The following TMC1 variants were observed in gnomAD, a reference collection of about 807,000 sequenced individuals.
The protein encoded by TMC1 is transmembrane channel like 1.
In TMC1, 84 loss-of-function variants were observed where a neutral mutation model predicts 105.8. That is an observed-to-expected ratio of 0.79 (90% CI 0.67 to 0.95). TMC1 has a LOEUF of 0.95. Among genes scored for constraint, TMC1 ranks in the 40% least tolerant of loss-of-function variants. The pLI is 0.00. For missense variants in TMC1, 817 were observed against 914.1 expected (o/e 0.89, Z 1.37); for synonymous variants, 315 against 311.5 (o/e 1.01, Z -0.12).
At chr9:72,539,048 C>T (rs1015601867) in intron 1 of TMC1, among the ~76,000 whole-genome samples, 2 of 151,630 alleles carry the variant, frequency 1.3e-5, no homozygotes, top group African/African-American at 4.9e-5. Flanking sequence ...TTTTGATTTC[C>T]AGCAGCCACG....
At chr9:72,615,509 A>G (rs1359373413) in intron 2 of TMC1, among the ~76,000 whole-genome samples, 2 of 152,224 alleles carry the variant, frequency 1.3e-5, no homozygotes, top group South Asian at 2.1e-4. Context: ...TCTATAGTAC[A>G]AATAAGCTGC....
intron 15 of TMC1, 134 bp from the exon 16 acceptor site, chr9:72,791,752 C>G (rs569318773): frequency 1.3e-6 from 1 of 766,644 alleles, no homozygotes; most frequent in Non-Finnish European, 2.3e-6. Context: ...AAATTCTAAA[C>G]GTGCATAAAA....
chr9:72,690,068 T>C (rs1826439582), intron 6 of TMC1, among the ~76,000 whole-genome samples: 1 of 152,044 alleles, frequency 6.6e-6, no homozygotes, highest in African/African-American at 2.4e-5. Context: ...TTATTGATTT[T>C]TATTATAGTG....
At chr9:72,673,507 C>G (rs7037300) in intron 5 of TMC1, among the ~76,000 whole-genome samples, 23,260 of 151,940 alleles carry the variant, frequency 0.15, 1,949 homozygotes, top group African/African-American at 0.2. Flanking sequence ...TTTTTTCATA[C>G]TGTATATGTA....
intron 2 of TMC1, among the ~76,000 whole-genome samples, chr9:72,598,180 A>AAAG (rs1164191157): frequency 6.6e-6 from 1 of 152,148 alleles, no homozygotes; most frequent in Non-Finnish European, 1.5e-5. Flanking sequence ...GAGTCCCCCC[A>AAAG]CATACCCTCA....
rs1268665939 is a variant in TMC1, at chr9:72,838,225, T to C, written c.*2252T>C. ...ATGTAAGAAATGGATTATCTGTTGA[T>C]AGGCTGAGTTTATTGTTTAATTAGA... On this transcript the variant is annotated 3_prime_UTR_variant, in exon 24 of 24. Transcript: ENST00000297784. 1 of 152,254 alleles carries C rather than the reference T, an allele frequency of 6.6e-6. No individual in the cohort carries two copies. Among genetic ancestry groups the C allele is most frequent in the Non-Finnish European group, 1.5e-5 (1 of 68,038 alleles). The allele number at this position is 152,254 out of a possible 1,614,324, so 9.4% of individuals were successfully genotyped here.
intron 3 of TMC1, among the ~76,000 whole-genome samples, chr9:72,623,854 T>C (rs1164279764): frequency 6.6e-6 from 1 of 152,136 alleles, no homozygotes; most frequent in Non-Finnish European, 1.5e-5. Context: ...ATGTGCACCA[T>C]GGTGAACTTC....
intron 13 of TMC1, among the ~76,000 whole-genome samples, chr9:72,780,864 T>C (rs1398412717): frequency 6.6e-6 from 1 of 152,112 alleles, no homozygotes; most frequent in Non-Finnish European, 1.5e-5. Context: ...TACACAATAA[T>C]AGCAAGAGAG....
At position 72,619,651 on chromosome 9, in the gene TMC1, A is replaced by G. The variant is rs1461101431; in HGVS notation, c.-196+3174A>G. Among the ~76,000 whole-genome samples the G allele has an allele frequency of 5.3e-5, 8 of 151,802 alleles. No individual in the cohort carries two copies. In the South Asian group the frequency reaches 8.3e-4, roughly 16 times the overall value. On this transcript the variant is annotated intron_variant, in intron 3 of 23. Transcript: ENST00000297784. Reference sequence around the variant, plus strand: ...TTAATACAAAATATGTTATTTAACTAGTATTTACTAAACAAAAAATTAAAA... The same window carrying G: ...TTAATACAAAATATGTTATTTAACTGGTATTTACTAAACAAAAAATTAAAA...
rs1397274526 is a variant in TMC1 at position 72,559,852 on chromosome 9, T to C, written c.-427-18050T>C. Reference sequence around the variant, plus strand: ...AGGTCAACAACCATGTCCAATGCTTTGGATATTAAGAAGTGTTCAGATGGA... The same window carrying C: ...AGGTCAACAACCATGTCCAATGCTTCGGATATTAAGAAGTGTTCAGATGGA... On this transcript the variant is annotated intron_variant, in intron 1 of 23. Transcript: ENST00000297784. Among the ~76,000 whole-genome samples the C allele has an allele frequency of 2.6e-5, 4 of 152,200 alleles. No individual in the cohort carries two copies. The South Asian group carries it at 6.2e-4, about 24-fold the overall frequency.
At chr9:72,536,705 G>T (rs1033023156) in intron 1 of TMC1, among the ~76,000 whole-genome samples, 1 of 152,210 alleles carries the variant, frequency 6.6e-6, no homozygotes, top group African/African-American at 2.4e-5. Context: ...AGTAGTGTGA[G>T]GGGTGGGTCC....
chr9:72,773,496 T>C (rs1827963475), intron 13 of TMC1, among the ~76,000 whole-genome samples: 1 of 152,194 alleles, frequency 6.6e-6, no homozygotes, highest in African/African-American at 2.4e-5. Context: ...TATTTCATTT[T>C]TAAGCTCTTT....
intron 4 of TMC1, among the ~76,000 whole-genome samples, chr9:72,640,621 T>A (rs1825610379): frequency 7.0e-6 from 1 of 143,664 alleles, no homozygotes; most frequent in Non-Finnish European, 1.5e-5. Flanking sequence ...GGATTTGTTT[T>A]TTTGTTTTTT....
chr9:72,531,218 A>C (rs1378643386), intron 1 of TMC1, among the ~76,000 whole-genome samples: 1 of 152,174 alleles, frequency 6.6e-6, no homozygotes, highest in Non-Finnish European at 1.5e-5. Context: ...TAATAATTCC[A>C]GTATCAGGAG....
chr9:72,589,674 G>A (rs1479516486), intron 2 of TMC1, among the ~76,000 whole-genome samples: 1 of 152,124 alleles, frequency 6.6e-6, no homozygotes, highest in Non-Finnish European at 1.5e-5. Flanking sequence ...TCCTTTTTCT[G>A]ATTTTGAGAA....
intron 1 of TMC1, among the ~76,000 whole-genome samples, chr9:72,565,251 G>A (rs964695584): frequency 5.9e-5 from 9 of 151,980 alleles, no homozygotes; most frequent in East Asian, 3.8e-4. Flanking sequence ...CCTTACCCTC[G>A]GCAGAAACAG....
chr9:72,655,847 G>C (rs2132156519), intron 5 of TMC1: 1 of 752,684 alleles, frequency 1.3e-6, no homozygotes, highest in East Asian at 2.4e-5. Context: ...CGTCTACAAT[G>C]GTGACTTCCA....
chr9:72,763,484 G>A (rs1343000448), intron 12 of TMC1, among the ~76,000 whole-genome samples: 1 of 152,180 alleles, frequency 6.6e-6, no homozygotes, highest in Non-Finnish European at 1.5e-5. Flanking sequence ...ACAACCTGAT[G>A]TGGTTTAGGA....
At chr9:72,623,118 G>C (rs1421426662) in intron 3 of TMC1, among the ~76,000 whole-genome samples, 1 of 147,436 alleles carries the variant, frequency 6.8e-6, no homozygotes. Flanking sequence ...TGAAAGAAAG[G>C]GTTTTATTTG....
Sources: gnomAD v4.1 joint callset for allele counts (sites outside exome capture counted in the v4.1 genomes callset) on GRCh38, gnomAD v4.1.1 for gene constraint, MANE v1.5 for transcripts, NCBI Gene and HGNC (gene_info 2026-07-23, HGNC 2026-07-21) for gene names.